The following CNKSR3 variants were observed in gnomAD, a reference collection of about 807,000 sequenced individuals.
CNKSR3 encodes CNKSR family member 3, also known as connector enhancer of kinase suppressor of ras 3.
In CNKSR3, 36 loss-of-function variants were observed where a neutral mutation model predicts 67.7. The observed-to-expected ratio is 0.53, with a 90% CI of 0.41 to 0.70. CNKSR3 has a LOEUF of 0.70. Among genes scored for constraint, CNKSR3 ranks in the 30% least tolerant of loss-of-function variants. The pLI is 0.00. For missense variants in CNKSR3, 630 were observed against 695.2 expected, an observed-to-expected ratio of 0.91 and a Z score of 1.05; for synonymous variants, 281 against 271.4, an observed-to-expected ratio of 1.04 and a Z score of -0.35.
At chr6:154,475,181 C>A (rs576167038) in intron 1 of CNKSR3, among the ~76,000 whole-genome samples, 2 of 152,102 alleles carry the variant, frequency 1.3e-5, no homozygotes, top group Admixed American at 1.3e-4. Flanking sequence ...CAGGCCCATC[C>A]GACTCCAGAA....
At chr6:154,407,304 C>T (rs1415799053) in intron 12 of CNKSR3, among the ~76,000 whole-genome samples, 2 of 152,140 alleles carry the variant, frequency 1.3e-5, no homozygotes, top group Non-Finnish European at 1.5e-5. Flanking sequence ...GGAACATTCC[C>T]GAACAAGGAA....
At chr6:154,473,275 T>C (rs968724953) in intron 1 of CNKSR3, among the ~76,000 whole-genome samples, 10 of 152,230 alleles carry the variant, frequency 6.6e-5, no homozygotes, top group Non-Finnish European at 1.0e-4. Context: ...AGTTAGATGA[T>C]AGAGCTAGTG....
chr6:154,422,369 A>G (rs1340477839), intron 9 of CNKSR3, 137 bp downstream of exon 9: 5 of 777,596 alleles, frequency 6.4e-6, no homozygotes, highest in African/African-American at 3.5e-5. Flanking sequence ...ATATTTTCAC[A>G]TAGGCAGGAG....
In CNKSR3 at chr6:154,395,021, A is replaced by G. The variant is rs952591882; in HGVS notation, c.*11333T>C. On this transcript the variant is annotated 3_prime_UTR_variant, in exon 13 of 13. Coordinates refer to ENST00000607772, the MANE Select transcript of CNKSR3 (RefSeq NM_173515.4). ...GCTGCATCAGGAAAATGCGAAGGCT[A>G]AAGACCAGAGCAAGAGACCAAAATG... is the stretch of plus-strand genomic sequence containing the variant. The G allele has an allele frequency of 6.6e-6, 1 of 152,324 alleles. No homozygotes were observed. Among genetic ancestry groups the G allele is most frequent in the Admixed American group, 6.5e-5 (1 of 15,286 alleles). 9.4% of individuals were successfully genotyped at this position (152,324 alleles called of 1,614,324 possible).
chr6:154,509,661 G>A (rs1787173984), intron 1 of CNKSR3, among the ~76,000 whole-genome samples: 1 of 152,140 alleles, frequency 6.6e-6, no homozygotes, highest in African/African-American at 2.4e-5. Context: ...GAGGTCCCGC[G>A]GGAGTCACCC....
chr6:154,501,375 TAAA>T (rs1284361070), intron 1 of CNKSR3, among the ~76,000 whole-genome samples: 2 of 152,024 alleles, frequency 1.3e-5, no homozygotes, highest in African/African-American at 4.8e-5. Flanking sequence ...CCGTAACTAT[TAAA>T]AAATAAAAAT....
rs1361489459 is a variant in CNKSR3 at position 154,399,779 on chromosome 6, C to T, written c.*6575G>A. The stretch of plus-strand genomic sequence containing the variant: ...TATATTAAACTTCATTTCTGAAGCT[C>T]CCTGATTCTCTAAAATAATCAAAAT... On this transcript the variant is annotated 3_prime_UTR_variant, in exon 13 of 13. Transcript: ENST00000607772. The T allele has an allele frequency of 6.6e-6, 1 of 151,986 alleles. No homozygotes were observed. The highest frequency in any genetic ancestry group is 1.5e-5 in the Non-Finnish European group (1 of 68,012). 9.4% of individuals were successfully genotyped at this position (151,986 alleles called of 1,614,324 possible). A position where few individuals can be genotyped will look rare whatever the true frequency, so the allele number is the denominator to read the frequency against.
At chr6:154,476,952 A>C (rs1420214121) in intron 1 of CNKSR3, among the ~76,000 whole-genome samples, 1 of 152,208 alleles carries the variant, frequency 6.6e-6, no homozygotes, top group Non-Finnish European at 1.5e-5. Flanking sequence ...GAAACAGTTC[A>C]TTCCCTCATG....
At position 154,389,441 on chromosome 6, in the gene CNKSR3, T is replaced by C. The variant is rs533574488; in HGVS notation, c.*16913A>G. ...TTCTGGACTCTCTATTCTGTTCCAT[T>C]CACATATATGTCTATCTGTTGGCCA... On this transcript the variant is annotated 3_prime_UTR_variant, in exon 13 of 13. Coordinates refer to ENST00000607772, the MANE Select transcript of CNKSR3 (RefSeq NM_173515.4). 2.0e-5 allele frequency: 3 copies of C among 152,388 alleles called. No homozygotes were observed. In the South Asian group the frequency reaches 6.2e-4, roughly 32 times the overall value. 9.4% of individuals were successfully genotyped at this position (152,388 alleles called of 1,614,324 possible). A position where few individuals can be genotyped will look rare whatever the true frequency, so the allele number is the denominator to read the frequency against.
Position 154,389,881 on chromosome 6 carries a change from T to C in CNKSR3, c.*16473A>G, listed in dbSNP as rs762438877. On this transcript the variant is annotated 3_prime_UTR_variant, in exon 13 of 13. Transcript: ENST00000607772. ...TTGTATACTGAAAACTACAAAATAC[T>C]GATGAAATAAATTAAAGAAGACACA... 6.6e-6 allele frequency: 1 copy of C among 152,184 alleles called. No homozygotes were observed. The highest frequency in any genetic ancestry group is 1.5e-5 in the Non-Finnish European group (1 of 68,038). 9.4% of individuals were successfully genotyped at this position (152,184 alleles called of 1,614,324 possible).
intron 9 of CNKSR3, among the ~76,000 whole-genome samples, chr6:154,419,872 G>C (rs1232791628): frequency 1.3e-5 from 2 of 152,108 alleles, no homozygotes; most frequent in African/African-American, 2.4e-5. Context: ...CTGAGGTCAG[G>C]AGTTTGAGAC....
chr6:154,509,478 G>C (rs1292948441), intron 1 of CNKSR3, among the ~76,000 whole-genome samples: 1 of 151,822 alleles, frequency 6.6e-6, no homozygotes, highest in African/African-American at 2.4e-5. Context: ...GCCTCCCGGG[G>C]AGTCCTGGCT....
intron 1 of CNKSR3, among the ~76,000 whole-genome samples, chr6:154,494,325 G>A (rs1412916065): frequency 6.6e-6 from 1 of 152,056 alleles, no homozygotes; most frequent in Non-Finnish European, 1.5e-5. Flanking sequence ...AATAGCATAG[G>A]GGAAACTGTC....
intron 10 of CNKSR3, among the ~76,000 whole-genome samples, chr6:154,413,345 T>A (rs1372913834): frequency 6.6e-6 from 1 of 152,116 alleles, no homozygotes; most frequent in Non-Finnish European, 1.5e-5. Flanking sequence ...TCCTACCACC[T>A]CAGCCTCCTG....
At chr6:154,432,133 G>A (rs934502258) in intron 5 of CNKSR3, among the ~76,000 whole-genome samples, 10 of 152,176 alleles carry the variant, frequency 6.6e-5, no homozygotes, top group Non-Finnish European at 1.0e-4. Flanking sequence ...AGCAATTAAC[G>A]AGCGTTCCTG....
At chr6:154,430,153 A>G (rs1785334998) in intron 6 of CNKSR3, among the ~76,000 whole-genome samples, 1 of 152,194 alleles carries the variant, frequency 6.6e-6, no homozygotes, top group Non-Finnish European at 1.5e-5. Context: ...TTCAGAGCAG[A>G]TGTTATTTTT....
At chr6:154,423,366 C>G (rs186474894) in intron 7 of CNKSR3, among the ~76,000 whole-genome samples, 1 of 152,262 alleles carries the variant, frequency 6.6e-6, no homozygotes, top group East Asian at 1.9e-4. Flanking sequence ...TGGGTTCAAG[C>G]GGATCTCCCC....
chr6:154,412,039 C>T (rs920054252), intron 10 of CNKSR3, among the ~76,000 whole-genome samples: 1 of 152,180 alleles, frequency 6.6e-6, no homozygotes, highest in African/African-American at 2.4e-5. Context: ...GTCCAAGTTA[C>T]CAGCTGCTTA....
chr6:154,497,133 T>C (rs1786895907), intron 1 of CNKSR3, among the ~76,000 whole-genome samples: 1 of 152,014 alleles, frequency 6.6e-6, no homozygotes, highest in Non-Finnish European at 1.5e-5. Flanking sequence ...ATCCCGGCAC[T>C]TTGGGAGGCT....
Sources: gnomAD v4.1 joint callset for allele counts (sites outside exome capture counted in the v4.1 genomes callset) on GRCh38, gnomAD v4.1.1 for gene constraint, MANE v1.5 for transcripts, NCBI Gene and HGNC (gene_info 2026-07-23, HGNC 2026-07-21) for gene names.